ACSS1: variants seen among roughly 807,000 people sequenced by gnomAD.
The protein encoded by ACSS1 is acyl-CoA synthetase short chain family member 1.
In ACSS1, 42 loss-of-function variants were observed where a neutral mutation model predicts 75.3. The observed-to-expected ratio is 0.56, with a 90% confidence interval of 0.44 to 0.72. The LOEUF is 0.72. Ranked by LOEUF, ACSS1 falls within the 30% of genes least tolerant of loss-of-function variation. ACSS1 has a pLI of 0.00. For missense variants in ACSS1, 782 were observed against 935.7 expected (o/e 0.84, Z 2.14); for synonymous variants, 380 against 376.8 (o/e 1.01, Z -0.10).
At chr20:25,011,220 C>T (rs1236603423) in intron 12 of ACSS1, 2 of 152,368 alleles carry the variant, frequency 1.3e-5, no homozygotes, top group Non-Finnish European at 2.9e-5. Flanking sequence ...GGCTAGGCCA[C>T]CCTATGAAAG....
chr20:25,015,254 G>A, intron 7 of ACSS1, 24 bp from the exon 8 acceptor site: 2 of 1,557,964 alleles, frequency 1.3e-6, no homozygotes, highest in Non-Finnish European at 1.7e-6. Context: ...GAAAGAAAAA[G>A]ATGTTAACAG....
chr20:25,006,760 C>G lies in ACSS1; in HGVS notation c.*1002G>C. On this transcript the variant is annotated 3_prime_UTR_variant, in exon 14 of 14. Transcript: ENST00000323482. ...ACATTAAAACAAAGAGAGACTGGATCCAGACCTCCAAGTCTCATCATTGGA... is the reference window on the plus strand; with the variant it reads ...ACATTAAAACAAAGAGAGACTGGATGCAGACCTCCAAGTCTCATCATTGGA... 7.0e-7 allele frequency: 1 copy of G among 1,434,404 alleles called. No homozygotes were observed. Among genetic ancestry groups the G allele is most frequent in the Non-Finnish European group, 9.4e-7 (1 of 1,063,284 alleles). 88.9% of individuals were successfully genotyped at this position (1,434,404 alleles called of 1,614,324 possible). A position where few individuals can be genotyped will look rare whatever the true frequency, so the allele number is the denominator to read the frequency against.
chr20:25,007,944 G>GT lies in ACSS1; in HGVS notation c.1891-4_1891-3insA. The GT allele has an allele frequency of 6.2e-7, 1 of 1,613,854 alleles. No homozygotes were observed. The highest frequency in any genetic ancestry group is 8.5e-7 in the Non-Finnish European group (1 of 1,179,854). The stretch of plus-strand genomic sequence containing the variant: ...GTTTTTGGAAGACGTTTCACCACCT[G>GT]GCAAGGAACAGGCACAGTGTTAGAG... On this transcript the variant is annotated splice_region_variant and splice_polypyrimidine_tract_variant and intron_variant, in intron 13 of 13. Transcript: ENST00000323482.
intron 12 of ACSS1, chr20:25,009,954 T>G (rs971932138): frequency 1.3e-5 from 2 of 153,530 alleles, no homozygotes; most frequent in African/African-American, 4.8e-5. Context: ...GAGAGGCAGC[T>G]GAGAGTTCTG....
chr20:25,040,316 A>C (rs2088980273), intron 2 of ACSS1, among the ~76,000 whole-genome samples: 1 of 152,222 alleles, frequency 6.6e-6, no homozygotes. Context: ...CAGAGCCTGG[A>C]CGCAGGTTGG....
intron 2 of ACSS1, among the ~76,000 whole-genome samples, chr20:25,038,907 A>G (rs1376738804): frequency 6.6e-6 from 1 of 152,118 alleles, no homozygotes; most frequent in African/African-American, 2.4e-5. Flanking sequence ...TTCTCCAGCC[A>G]TGATTGCCTG....
At chr20:25,046,537 G>A (rs2089092975) in intron 2 of ACSS1, 4 of 484,956 alleles carry the variant, frequency 8.2e-6, no homozygotes, top group Non-Finnish European at 1.1e-5. Flanking sequence ...TGGCCCTTCG[G>A]GGAGTGCCAT....
rs1171661864 is a variant in ACSS1, at chr20:25,030,974, G to A, written c.432-16C>T. 2 of 1,612,812 alleles carry A rather than the reference G, an allele frequency of 1.2e-6. No homozygotes were observed. Among genetic ancestry groups the A allele is most frequent in the South Asian group, 1.1e-5 (1 of 90,820 alleles). On this transcript the variant is annotated splice_polypyrimidine_tract_variant and intron_variant, in intron 2 of 13. Transcript: ENST00000323482. The stretch of plus-strand genomic sequence containing the variant: ...CAGTAGTTCCCTGCAGCACAGGGAA[G>A]AGAAAGCCATCAGAGATGGAGGAGG...
intron 1 of ACSS1, among the ~76,000 whole-genome samples, chr20:25,051,508 C>G (rs987589071): frequency 6.6e-6 from 1 of 152,178 alleles, no homozygotes; most frequent in African/African-American, 2.4e-5. Flanking sequence ...CAGAAGTCCC[C>G]AGAGGACGTG....
At chr20:25,017,644 TG>T (rs2088542636) in intron 7 of ACSS1, among the ~76,000 whole-genome samples, 1 of 152,202 alleles carries the variant, frequency 6.6e-6, no homozygotes, top group Non-Finnish European at 1.5e-5. Context: ...GAGCCTCTGC[TG>T]GGGGCTGGCC....
At chr20:25,053,089 G>A (rs539586577) in intron 1 of ACSS1, among the ~76,000 whole-genome samples, 1 of 140,676 alleles carries the variant, frequency 7.1e-6, no homozygotes, top group Admixed American at 6.9e-5. Flanking sequence ...TTTGAGACAG[G>A]GTCTCACTCC....
rs765802157 is a variant in ACSS1 at position 25,030,940 on chromosome 20, C to T, written c.450G>A (p.Thr150=). ...TCTTCAGCGTGTTGGCCAGGCGGCA[C>T]GTGGTCTCCAGTAGTTCCCTGCAGC... ...RITYRELLET[T]CRLANTLKRH... The change falls in exon 3 of 14, where the codon ACG becomes ACA. Residue 150 remains threonine, a synonymous_variant. Transcript: ENST00000323482. The T allele has an allele frequency of 1.4e-5, 22 of 1,613,986 alleles. No individual in the cohort carries two copies. Among genetic ancestry groups the T allele is most frequent in the Admixed American group, 5.0e-5 (3 of 59,992 alleles).
chr20:25,044,726 G>T (rs1016851334), intron 2 of ACSS1, among the ~76,000 whole-genome samples: 1 of 152,242 alleles, frequency 6.6e-6, no homozygotes, highest in Non-Finnish European at 1.5e-5. Context: ...ACAGCCTTGG[G>T]GCCACTAGGC....
At chr20:25,042,305 C>T (rs1313041940) in intron 2 of ACSS1, among the ~76,000 whole-genome samples, 1 of 152,180 alleles carries the variant, frequency 6.6e-6, no homozygotes, top group Non-Finnish European at 1.5e-5. Flanking sequence ...GCTTCAAAAA[C>T]AGCCCACCCC....
At chr20:25,057,135 G>A (rs1016238990) in intron 1 of ACSS1, among the ~76,000 whole-genome samples, 2 of 151,994 alleles carry the variant, frequency 1.3e-5, no homozygotes, top group Admixed American at 6.6e-5. Context: ...CTCTGAGGCC[G>A]AGAACGAGAA....
chr20:25,054,717 C>T (rs1035558310), intron 1 of ACSS1, among the ~76,000 whole-genome samples: 1 of 152,210 alleles, frequency 6.6e-6, no homozygotes, highest in Non-Finnish European at 1.5e-5. Flanking sequence ...ATGACTCCAA[C>T]CTCAGACACT....
intron 2 of ACSS1, chr20:25,046,510 G>T (rs1386179608): frequency 3.5e-5 from 15 of 434,690 alleles, no homozygotes; most frequent in Admixed American, 3.6e-5. Context: ...ACACCTGAGA[G>T]ACTGATGGAG....
At chr20:25,048,767 G>A (rs2089135457) in intron 1 of ACSS1, among the ~76,000 whole-genome samples, 1 of 152,240 alleles carries the variant, frequency 6.6e-6, no homozygotes, top group Admixed American at 6.5e-5. Flanking sequence ...TCCTGGTTTT[G>A]CAGAAGGCTC....
chr20:25,031,623 C>A (rs1468450237), intron 2 of ACSS1, among the ~76,000 whole-genome samples: 1 of 152,180 alleles, frequency 6.6e-6, no homozygotes, highest in Non-Finnish European at 1.5e-5. Flanking sequence ...TGAGGATGCC[C>A]TACTATGTAA....
Sources: allele counts gnomAD v4.1 joint callset (sites outside exome capture counted in the v4.1 genomes callset), GRCh38; gene constraint gnomAD v4.1.1; transcripts MANE v1.5; gene names NCBI Gene and HGNC (gene_info 2026-07-23, HGNC 2026-07-21).